Variants in ADAMTS3 observed in about 807,000 individuals in gnomAD.
ADAMTS3 encodes ADAM metallopeptidase with thrombospondin type 1 motif 3, also known as A disintegrin and metalloproteinase with thrombospondin motifs 3.
A neutral mutation model predicts 129.0 loss-of-function variants in ADAMTS3; 73 were observed. The observed-to-expected ratio is 0.57, with a 90% CI of 0.47 to 0.69. ADAMTS3 has a LOEUF of 0.69. Among genes scored for constraint, ADAMTS3 ranks in the 30% least tolerant of loss-of-function variants. The pLI, the probability that ADAMTS3 is intolerant of heterozygous loss-of-function variation, is 0.00. For missense variants in ADAMTS3, 1,457 were observed against 1,514.5 expected (o/e 0.96, Z 0.63); for synonymous variants, 477 against 510.8 (o/e 0.93, Z 0.89).
chr4:72,352,012 AT>A (rs755193537), intron 4 of ADAMTS3, among the ~76,000 whole-genome samples: 24 of 152,062 alleles, frequency 1.6e-4, no homozygotes, highest in Non-Finnish European at 3.1e-4. Flanking sequence ...TCAAAAAAAA[AT>A]CATCTTGTGA....
At chr4:72,380,980 G>A (rs1282489344) in intron 4 of ADAMTS3, among the ~76,000 whole-genome samples, 1 of 152,082 alleles carries the variant, frequency 6.6e-6, no homozygotes, top group Non-Finnish European at 1.5e-5. Flanking sequence ...GACTTTGGAG[G>A]TGACATTTAT....
intron 3 of ADAMTS3, among the ~76,000 whole-genome samples, chr4:72,496,286 A>C (rs1226968776): frequency 6.6e-6 from 1 of 152,136 alleles, no homozygotes; most frequent in African/African-American, 2.4e-5. Flanking sequence ...AAGTGTTCCT[A>C]CTTTGGGCTT....
At chr4:72,410,018 C>A (rs563953500) in intron 4 of ADAMTS3, among the ~76,000 whole-genome samples, 1 of 152,086 alleles carries the variant, frequency 6.6e-6, no homozygotes, top group East Asian at 1.9e-4. Context: ...ATGTTCCATA[C>A]TTCATTTACT....
chr4:72,426,768 G>A (rs114041919), intron 3 of ADAMTS3, among the ~76,000 whole-genome samples: 318 of 151,940 alleles, frequency 2.1e-3, no homozygotes, highest in African/African-American at 7.4e-3. Context: ...ATGTACCTGT[G>A]GTCCCAGCTA....
chr4:72,396,960 T>G (rs1721741032), intron 4 of ADAMTS3, among the ~76,000 whole-genome samples: 1 of 152,124 alleles, frequency 6.6e-6, no homozygotes, highest in Admixed American at 6.5e-5. Flanking sequence ...TAAAAATGTC[T>G]GCCCTGATTC....
intron 4 of ADAMTS3, among the ~76,000 whole-genome samples, chr4:72,377,008 G>A (rs1011866387): frequency 6.6e-6 from 1 of 152,100 alleles, no homozygotes; most frequent in African/African-American, 2.4e-5. Context: ...GAATAACTGA[G>A]AAGTTATGTA....
intron 3 of ADAMTS3, among the ~76,000 whole-genome samples, chr4:72,443,583 A>C (rs773652309): frequency 9.2e-5 from 14 of 151,666 alleles, no homozygotes; most frequent in Admixed American, 2.0e-4. Context: ...ACTTGTTCAC[A>C]GTTAGTTCAT....
At chr4:72,324,578 C>A (rs1719651805) in intron 5 of ADAMTS3, among the ~76,000 whole-genome samples, 1 of 152,156 alleles carries the variant, frequency 6.6e-6, no homozygotes, top group African/African-American at 2.4e-5. Flanking sequence ...TACACATGCA[C>A]ATGCACACAC....
At chr4:72,369,876 G>A (rs1338931928) in intron 4 of ADAMTS3, among the ~76,000 whole-genome samples, 4 of 151,702 alleles carry the variant, frequency 2.6e-5, no homozygotes, top group Admixed American at 6.6e-5. Flanking sequence ...TTTCCTTGGG[G>A]TATATGCATA....
At chr4:72,536,479 T>C (rs1243908919) in intron 3 of ADAMTS3, among the ~76,000 whole-genome samples, 1 of 152,216 alleles carries the variant, frequency 6.6e-6, no homozygotes, top group African/African-American at 2.4e-5. Flanking sequence ...CACAAAATGC[T>C]AAAACAAATC....
At chr4:72,533,670 C>CTCATATGTATATAT (rs1721109210) in intron 3 of ADAMTS3, among the ~76,000 whole-genome samples, 1 of 151,146 alleles carries the variant, frequency 6.6e-6, no homozygotes, top group Non-Finnish European at 1.5e-5. Context: ...TATGTATATG[C>CTCATATGTATATAT]ACATATATGC....
At chr4:72,413,165 T>C (rs942685004) in intron 4 of ADAMTS3, among the ~76,000 whole-genome samples, 3 of 151,956 alleles carry the variant, frequency 2.0e-5, no homozygotes, top group Admixed American at 2.0e-4. Context: ...CCTTCAGGAA[T>C]TGAAATGTAG....
chr4:72,441,967 C>G (rs1718130245), intron 3 of ADAMTS3: 1 of 151,808 alleles, frequency 6.6e-6, no homozygotes, highest in South Asian at 2.1e-4. Context: ...TGCTGCAACT[C>G]CAGCCATCAT....
chr4:72,516,526 T>C (rs1720485583), intron 3 of ADAMTS3, among the ~76,000 whole-genome samples: 1 of 152,282 alleles, frequency 6.6e-6, no homozygotes, highest in South Asian at 2.1e-4. Flanking sequence ...CAGTGGTTTG[T>C]CGTTCTCCTT....
At chr4:72,310,422 CATT>C (rs1335588870) in intron 14 of ADAMTS3, among the ~76,000 whole-genome samples, 3 of 151,980 alleles carry the variant, frequency 2.0e-5, no homozygotes, top group Non-Finnish European at 2.9e-5. Context: ...ACTTTAGACT[CATT>C]AATACAGCAC....
intron 3 of ADAMTS3, among the ~76,000 whole-genome samples, chr4:72,497,334 T>C (rs1719897091): frequency 6.6e-6 from 1 of 151,988 alleles, no homozygotes; most frequent in African/African-American, 2.4e-5. Context: ...AAGGCCTCAG[T>C]ATGCAGTAGA....
At chr4:72,473,775 C>T (rs974584675) in intron 3 of ADAMTS3, among the ~76,000 whole-genome samples, 2 of 152,130 alleles carry the variant, frequency 1.3e-5, no homozygotes, top group Non-Finnish European at 2.9e-5. Flanking sequence ...AAAACCAAGA[C>T]TCCCAACTCC....
At chr4:72,416,166 A>AATATAAATATAAATATATATATACAT (rs1366619576) in intron 3 of ADAMTS3, among the ~76,000 whole-genome samples, 1 of 25,100 alleles carries the variant, frequency 4.0e-5, no homozygotes, top group African/African-American at 9.7e-5. Flanking sequence ...GTTTTCAGCA[A>AATATAAATATAAATATATATATACAT]ATATAAATAT....
At chr4:72,320,058 C>T in intron 7 of ADAMTS3, 95 bp from the exon 8 acceptor site, 2 of 961,844 alleles carry the variant, frequency 2.1e-6, no homozygotes, top group Non-Finnish European at 3.2e-6. Flanking sequence ...AAAGTAAAAG[C>T]CTTTCAGGAA....
Sources: allele counts gnomAD v4.1 joint callset (sites outside exome capture counted in the v4.1 genomes callset), GRCh38; gene constraint gnomAD v4.1.1; transcripts MANE v1.5; gene names NCBI Gene and HGNC (gene_info 2026-07-23, HGNC 2026-07-21).